Variants in KLHL4 observed in about 807,000 individuals in gnomAD.
KLHL4 encodes kelch like family member 4.
Under a neutral mutation model 45.8 loss-of-function variants are expected in KLHL4, and 17 were observed. The ratio of observed to expected loss-of-function variants is 0.37; its 90% CI spans 0.25 to 0.56. The LOEUF is 0.56. Among genes scored for constraint, KLHL4 ranks in the 20% least tolerant of loss-of-function variants. The pLI is 0.79. For missense variants in KLHL4, 544 were observed against 544.9 expected, an observed-to-expected ratio of 1.00 and a Z score of 0.02; for synonymous variants, 224 against 189.9, an observed-to-expected ratio of 1.18 and a Z score of -1.47.
In KLHL4 at chrX:87,565,385, C is replaced by T. The variant is rs750072555; in HGVS notation, c.422+47070C>T. Among the ~76,000 whole-genome samples the T allele has an allele frequency of 1.2e-4, 13 of 110,959 alleles. No homozygotes were observed. The East Asian group carries it at 3.7e-3, about 32-fold the overall frequency. ...AAAAGACCTAGTAAAATTGACAAAC[C>T]TTTAGCTAGCCTGACCAAGTTAATA... On this transcript the variant is annotated intron_variant, in intron 1 of 10. Coordinates refer to ENST00000373119, the MANE Select transcript of KLHL4 (RefSeq NM_019117.5).
chrX:87,660,256 T>A lies in KLHL4; in HGVS notation c.1926-4508T>A, dbSNP rs1414999788. Among the ~76,000 whole-genome samples the A allele has an allele frequency of 2.7e-5, 3 of 111,555 alleles. No homozygotes were observed. In the East Asian group the frequency reaches 8.5e-4, roughly 31 times the overall value. ...TACCAGAGAATGTACACAGATATTTTAAAAATCCATAATTGTATTCAACAA... is the reference window on the plus strand; with the variant it reads ...TACCAGAGAATGTACACAGATATTTAAAAAATCCATAATTGTATTCAACAA... On this transcript the variant is annotated intron_variant, in intron 9 of 10. Transcript: ENST00000373119.
At chrX:87,563,718 G>A (rs1338528146) in intron 1 of KLHL4, among the ~76,000 whole-genome samples, 9 of 109,612 alleles carry the variant, frequency 8.2e-5, no homozygotes, top group Non-Finnish European at 7.6e-5. Flanking sequence ...GATAATAGTA[G>A]ATAACTTTCC....
At chrX:87,665,671 A>G (rs1324481408) in intron 10 of KLHL4, among the ~76,000 whole-genome samples, 4 of 111,834 alleles carry the variant, frequency 3.6e-5, no homozygotes, top group African/African-American at 6.5e-5. Context: ...AATATAAAGT[A>G]TGATTAACTC....
chrX:87,626,654 A>T (rs1246937622), intron 6 of KLHL4, among the ~76,000 whole-genome samples: 1 of 109,754 alleles, frequency 9.1e-6, no homozygotes, highest in African/African-American at 3.3e-5. Flanking sequence ...GTAGCTTTAA[A>T]AAAAAAAAAA....
chrX:87,569,928 C>T (rs746655628), intron 1 of KLHL4, among the ~76,000 whole-genome samples: 17 of 111,110 alleles, frequency 1.5e-4, no homozygotes, highest in African/African-American at 6.5e-5. Flanking sequence ...TTGTGACTTT[C>T]CTAAAAGCCA....
intron 1 of KLHL4, among the ~76,000 whole-genome samples, chrX:87,542,307 A>G (rs748556140): frequency 2.8e-4 from 31 of 112,069 alleles, no homozygotes; most frequent in African/African-American, 1.0e-3. Flanking sequence ...AGAATCAAGG[A>G]GCTCAATATT....
chrX:87,626,254 C>T (rs1407257935), intron 6 of KLHL4, among the ~76,000 whole-genome samples: 1 of 110,969 alleles, frequency 9.0e-6, no homozygotes. Context: ...TTGGTTCTGT[C>T]CGGAAACGCG....
chrX:87,664,613 A>G (rs902213986), intron 9 of KLHL4, 151 bp from the exon 10 acceptor site: 1 of 406,958 alleles, frequency 2.5e-6, no homozygotes, highest in South Asian at 6.1e-5. Flanking sequence ...TGTCACGTAC[A>G]TATCCTTAAT....
intron 1 of KLHL4, among the ~76,000 whole-genome samples, chrX:87,578,470 C>A (rs1265257256): frequency 9.0e-6 from 1 of 111,684 alleles, no homozygotes; most frequent in Non-Finnish European, 1.9e-5. Context: ...CCACAGCCCT[C>A]ATTCCCCACA....
chrX:87,640,226 G>T (rs994539526), intron 9 of KLHL4, among the ~76,000 whole-genome samples: 1 of 111,122 alleles, frequency 9.0e-6, no homozygotes, highest in African/African-American at 3.3e-5. Flanking sequence ...AAAAGTCTAG[G>T]TCCAGATGAA....
chrX:87,606,220 A>ACTGATTTCAAATTACC (rs1922190723), intron 1 of KLHL4, among the ~76,000 whole-genome samples: 1 of 109,858 alleles, frequency 9.1e-6, no homozygotes, highest in African/African-American at 3.4e-5. Flanking sequence ...TCAGGGTAAT[A>ACTGATTTCAAATTACC]CTGGTATATG....
chrX:87,562,334 C>T (rs1299561537), intron 1 of KLHL4, among the ~76,000 whole-genome samples: 1 of 110,102 alleles, frequency 9.1e-6, no homozygotes, highest in African/African-American at 3.3e-5. Context: ...CAGGCCTTAG[C>T]TCCTTGATGG....
rs139153912 is a variant in KLHL4, at chrX:87,669,887, C to T, written c.*3353C>T. On this transcript the variant is annotated 3_prime_UTR_variant, in exon 11 of 11. Transcript: ENST00000373119. Reference sequence around the variant, plus strand: ...GAAAGTTTTAAAAATGTTTTTAAAACTTCAAATATCTCACCACAGTGAATT... The same window carrying T: ...GAAAGTTTTAAAAATGTTTTTAAAATTTCAAATATCTCACCACAGTGAATT... 4,770 of 114,011 alleles carry T rather than the reference C, an allele frequency of 0.042. 233 individuals carry two copies. The highest frequency in any genetic ancestry group is 0.14 in the African/African-American group (4,404 of 30,565). 9.4% of individuals were successfully genotyped at this position (114,011 alleles called of 1,213,427 possible).
chrX:87,540,077 A>T (rs1439573091), intron 1 of KLHL4, among the ~76,000 whole-genome samples: 1 of 111,279 alleles, frequency 9.0e-6, no homozygotes, highest in Admixed American at 9.6e-5. Flanking sequence ...AGGACAGTAA[A>T]AATATGATAT....
At chrX:87,542,704 GCTTTTGATTTTACAGGCTCTTAGGCAGAA>G (rs1931587925) in intron 1 of KLHL4, among the ~76,000 whole-genome samples, 1 of 111,929 alleles carries the variant, frequency 8.9e-6, no homozygotes, top group African/African-American at 3.2e-5. Context: ...TAAATAACTT[GCTTTTGATTTTACAGGCTCTTAGGCAGAA>G]GGGACTTGCC....
chrX:87,537,317 T>A (rs1167951958), intron 1 of KLHL4, among the ~76,000 whole-genome samples: 3 of 111,625 alleles, frequency 2.7e-5, no homozygotes, highest in Non-Finnish European at 5.7e-5. Flanking sequence ...ATCAAGAAGA[T>A]GTAATAAAAC....
chrX:87,549,683 G>A (rs1418450520), intron 1 of KLHL4, among the ~76,000 whole-genome samples: 1 of 111,127 alleles, frequency 9.0e-6, no homozygotes, highest in South Asian at 3.7e-4. Context: ...CTGAGTTAAT[G>A]AGGAAATTTA....
intron 9 of KLHL4, among the ~76,000 whole-genome samples, chrX:87,663,019 A>T (rs767225872): frequency 2.8e-5 from 2 of 71,055 alleles, no homozygotes; most frequent in Non-Finnish European, 5.8e-5. Flanking sequence ...AATTTTTCTG[A>T]TGCTTTTTTT....
At chrX:87,595,163 C>A (rs1320727330) in intron 1 of KLHL4, among the ~76,000 whole-genome samples, 5 of 110,846 alleles carry the variant, frequency 4.5e-5, no homozygotes, top group African/African-American at 1.6e-4. Context: ...AATGCTATCC[C>A]TGCCCCCTCC....
Sources: gnomAD v4.1 joint callset for allele counts (sites outside exome capture counted in the v4.1 genomes callset) on GRCh38, gnomAD v4.1.1 for gene constraint, MANE v1.5 for transcripts, NCBI Gene and HGNC (gene_info 2026-07-23, HGNC 2026-07-21) for gene names.